The following MELK variants were observed in gnomAD, a reference collection of about 807,000 sequenced individuals.
MELK encodes pEg3 kinase.
A neutral mutation model predicts 85.0 loss-of-function variants in MELK; 81 were observed. That is an observed-to-expected ratio of 0.95 (90% CI 0.80 to 1.15). The LOEUF is 1.15. MELK is among the 50% of genes most tolerant of loss of function. The pLI is 0.00. For missense variants in MELK, 754 were observed against 777.5 expected, an observed-to-expected ratio of 0.97 and a Z score of 0.36; for synonymous variants, 252 against 265.0, an observed-to-expected ratio of 0.95 and a Z score of 0.48.
chr9:36,631,977 C>T (rs770738379), intron 9 of MELK, among the ~76,000 whole-genome samples: 3 of 152,118 alleles, frequency 2.0e-5, no homozygotes, highest in Non-Finnish European at 4.4e-5. Context: ...CCAACTCTTG[C>T]TCATTAAGTA....
At chr9:36,631,957 C>T (rs1587502938) in intron 9 of MELK, among the ~76,000 whole-genome samples, 1 of 152,152 alleles carries the variant, frequency 6.6e-6, no homozygotes, top group Non-Finnish European at 1.5e-5. Flanking sequence ...CCACGGCATC[C>T]CGCCTTTTCC....
At chr9:36,615,445 G>A (rs1587442450) in intron 8 of MELK, among the ~76,000 whole-genome samples, 1 of 137,484 alleles carries the variant, frequency 7.3e-6, no homozygotes, top group Non-Finnish European at 1.6e-5. Context: ...GCGGGGGGCT[G>A]ACCCCCCCAC....
intron 1 of MELK, among the ~76,000 whole-genome samples, chr9:36,574,430 C>CAAAAAAAAAAAAAAAAAAA (rs78915626): frequency 1.3e-5 from 1 of 79,930 alleles, no homozygotes. Flanking sequence ...ACTAAAAATA[C>CAAAAAAAAAAAAAAAAAAA]AAAAAAAAAA....
chr9:36,652,150 G>C (rs527682554), intron 12 of MELK, among the ~76,000 whole-genome samples: 1 of 140,620 alleles, frequency 7.1e-6, no homozygotes, highest in African/African-American at 2.6e-5. Flanking sequence ...GGATTCAAGC[G>C]ATTCTTGTGC....
intron 10 of MELK, among the ~76,000 whole-genome samples, chr9:36,636,637 T>C (rs1179154950): frequency 6.6e-6 from 1 of 152,226 alleles, no homozygotes; most frequent in Non-Finnish European, 1.5e-5. Flanking sequence ...GTAACTGGGC[T>C]GAATGGTCCA....
At chr9:36,573,575 G>A (rs1363268309) in intron 1 of MELK, among the ~76,000 whole-genome samples, 3 of 152,006 alleles carry the variant, frequency 2.0e-5, no homozygotes, top group Non-Finnish European at 4.4e-5. Flanking sequence ...GCGCGATCTC[G>A]GCTCACCGCA....
At chr9:36,641,896 C>T (rs1054118267) in intron 10 of MELK, among the ~76,000 whole-genome samples, 9 of 152,100 alleles carry the variant, frequency 5.9e-5, no homozygotes, top group East Asian at 1.9e-4. Context: ...CGTGAGCCAC[C>T]GCACCTGGCC....
intron 13 of MELK, among the ~76,000 whole-genome samples, chr9:36,659,344 G>A (rs1052480931): frequency 2.6e-4 from 40 of 152,132 alleles, no homozygotes; most frequent in Non-Finnish European, 4.9e-4. Context: ...GCATGTATAT[G>A]TCTTGTAATT....
chr9:36,659,319 CT>C (rs1831568908), intron 13 of MELK, among the ~76,000 whole-genome samples: 1 of 152,048 alleles, frequency 6.6e-6, no homozygotes, highest in African/African-American at 2.4e-5. Flanking sequence ...CCCGGCCATA[CT>C]TTTTTATTTC....
At chr9:36,587,977 A>G (rs1488486274) in intron 3 of MELK, among the ~76,000 whole-genome samples, 1 of 150,946 alleles carries the variant, frequency 6.6e-6, no homozygotes, top group African/African-American at 2.4e-5. Context: ...CATGTTGGCC[A>G]GGCTGATCTT....
At chr9:36,576,018 T>C (rs1821618175) in intron 1 of MELK, among the ~76,000 whole-genome samples, 1 of 152,220 alleles carries the variant, frequency 6.6e-6, no homozygotes. Context: ...TGTTTGTTTT[T>C]AGGATGAGGT....
intron 4 of MELK, among the ~76,000 whole-genome samples, chr9:36,591,261 G>A (rs1207299913): frequency 1.3e-5 from 2 of 150,774 alleles, no homozygotes; most frequent in East Asian, 1.9e-4. Context: ...ATATTTTTAG[G>A]TGATCCCTTT....
intron 4 of MELK, 123 bp from the exon 5 acceptor site, chr9:36,594,505 G>A (rs796527691): frequency 9.3e-7 from 1 of 1,073,068 alleles, no homozygotes; most frequent in Non-Finnish European, 1.3e-6. Context: ...TACCTTACTC[G>A]GTTCCATTCC....
chr9:36,671,939 C>T (rs1832926786), intron 16 of MELK, among the ~76,000 whole-genome samples: 1 of 152,112 alleles, frequency 6.6e-6, no homozygotes, highest in East Asian at 1.9e-4. Context: ...TTCTGAAACA[C>T]TGGGCTCAGT....
chr9:36,597,852 G>A (rs1824464724), intron 6 of MELK, among the ~76,000 whole-genome samples: 1 of 152,144 alleles, frequency 6.6e-6, no homozygotes, highest in Non-Finnish European at 1.5e-5. Context: ...TCTCTTTGAG[G>A]TGACTTTGAA....
chr9:36,664,367 A>T (rs1374238101), intron 13 of MELK, among the ~76,000 whole-genome samples: 1 of 152,138 alleles, frequency 6.6e-6, no homozygotes, highest in African/African-American at 2.4e-5. Flanking sequence ...TATGGGAATT[A>T]TCTGAGGCTT....
intron 1 of MELK, among the ~76,000 whole-genome samples, chr9:36,577,797 A>G (rs1032062054): frequency 1.3e-5 from 2 of 151,828 alleles, no homozygotes. Context: ...GATTACAGGC[A>G]TGGGCCACCA....
intron 4 of MELK, among the ~76,000 whole-genome samples, chr9:36,591,771 A>G (rs1823611945): frequency 6.6e-6 from 1 of 151,754 alleles, no homozygotes; most frequent in African/African-American, 2.4e-5. Flanking sequence ...TTTTTACTTA[A>G]ATAAAAAAAG....
intron 5 of MELK, 71 bp downstream of exon 5, chr9:36,594,842 G>A: frequency 6.7e-7 from 1 of 1,503,646 alleles, no homozygotes; most frequent in South Asian, 1.3e-5. Context: ...GTTTACAAAT[G>A]ATCTGATTAG....
Sources: allele counts gnomAD v4.1 joint callset (sites outside exome capture counted in the v4.1 genomes callset), GRCh38; gene constraint gnomAD v4.1.1; transcripts MANE v1.5; gene names NCBI Gene and HGNC (gene_info 2026-07-23, HGNC 2026-07-21).